Variants in CFAP46 observed in about 807,000 individuals in gnomAD.
CFAP46 encodes the protein cilia- and flagella-associated protein 46.
CFAP46 carries 245 observed loss-of-function variants against 325.7 expected under a neutral mutation model. The observed-to-expected ratio is 0.75, with a 90% confidence interval of 0.68 to 0.84. The LOEUF (loss-of-function observed/expected upper bound fraction) is 0.84. CFAP46 is among the 40% of genes least tolerant of loss of function. CFAP46 has a pLI of 0.00. For missense variants in CFAP46, 3,346 were observed against 3,543.0 expected, an observed-to-expected ratio of 0.94 and a Z score of 1.41; for synonymous variants, 1,523 against 1,495.9, an observed-to-expected ratio of 1.02 and a Z score of -0.42.
chr10:132,872,386 T>C (rs1273004741), intron 32 of CFAP46: 3 of 388,860 alleles, frequency 7.7e-6, no homozygotes, highest in East Asian at 6.1e-5. Flanking sequence ...CCTGAGTAGT[T>C]GCGACAACAG....
chr10:132,921,911 G>A (rs994770838), intron 13 of CFAP46, among the ~76,000 whole-genome samples, 193 bp downstream of exon 13: 3 of 152,256 alleles, frequency 2.0e-5, no homozygotes, highest in Non-Finnish European at 2.9e-5. Context: ...CTTGACTGGC[G>A]TGTGCACAGA....
At chr10:132,820,925 CTG>C (rs1464948580) in intron 50 of CFAP46, among the ~76,000 whole-genome samples, 1 of 105,830 alleles carries the variant, frequency 9.4e-6, no homozygotes, top group African/African-American at 3.7e-5. Flanking sequence ...CTGATGTGTG[CTG>C]TGTGTGCGCT....
At position 132,832,397 on chromosome 10, in the gene CFAP46, C is replaced by A. The variant is rs865900806; in HGVS notation, c.7117+961G>T. On this transcript the variant is annotated intron_variant, in intron 50 of 57. Coordinates refer to ENST00000368586, the MANE Select transcript of CFAP46 (RefSeq NM_001200049.3). The surrounding 1 kb of genome is among the most constrained non-coding windows in gnomAD (Gnocchi z 4.1). ...CCCCTGGGCTCTTCCTGCCCCCCCC[C>A]CCCAATGCTGTGGCCTGGAAATTCC... 2.7e-4 allele frequency among the ~76,000 whole-genome samples: 39 copies of A among 142,794 alleles called. No homozygotes were observed. The East Asian group carries it at 3.3e-3, about 12-fold the overall frequency. The allele number at this position is 142,794 out of a possible 152,430, so 93.7% of individuals were successfully genotyped here.
intron 40 of CFAP46, among the ~76,000 whole-genome samples, 196 bp downstream of exon 40, chr10:132,850,921 C>G (rs964197943): frequency 1.3e-5 from 2 of 152,182 alleles, no homozygotes; most frequent in South Asian, 2.1e-4. Flanking sequence ...AATGGGACCT[C>G]GATTTCATGA....
intron 50 of CFAP46, among the ~76,000 whole-genome samples, chr10:132,824,932 G>T (rs62646933): frequency 0.08 from 7,284 of 90,910 alleles, 8 homozygotes; most frequent in African/African-American, 0.12. Context: ...TGCTGCTTGT[G>T]TGTGCTGTGT....
At chr10:132,821,905 GTGC>G (rs1402803531) in intron 50 of CFAP46, among the ~76,000 whole-genome samples, 30 of 143,564 alleles carry the variant, frequency 2.1e-4, no homozygotes, top group African/African-American at 4.8e-4. Context: ...TGTTGTGTGA[GTGC>G]TGATGTGTGC....
chr10:132,926,472 C>T lies in CFAP46; in HGVS notation c.1065+96G>A. 1.7e-5 allele frequency: 15 copies of T among 906,134 alleles called. No individual in the cohort carries two copies. In the South Asian group the frequency reaches 1.9e-4, roughly 11 times the overall value. The allele number at this position is 906,134 out of a possible 1,614,324, so 56.1% of individuals were successfully genotyped here. A position where few individuals can be genotyped will look rare whatever the true frequency, so the allele number is the denominator to read the frequency against. ...CTAGCAGTGGGGTCCAGGCCATGTCCCCAGCACCCTCAAGCCTGGGACACA... is the reference window on the plus strand; with the variant it reads ...CTAGCAGTGGGGTCCAGGCCATGTCTCCAGCACCCTCAAGCCTGGGACACA... On this transcript the variant is annotated intron_variant, in intron 10 of 57. Transcript: ENST00000368586.
chr10:132,910,660 CTGGCCACCGGGAG>C (rs1355161021), intron 19 of CFAP46, among the ~76,000 whole-genome samples: 4 of 152,220 alleles, frequency 2.6e-5, no homozygotes, highest in Non-Finnish European at 4.4e-5. Context: ...GCAGGAAGCA[CTGGCCACCGGGAG>C]TGACCTCTTG....
At chr10:132,842,400 C>T (rs567055764) in intron 44 of CFAP46, among the ~76,000 whole-genome samples, 27 of 152,318 alleles carry the variant, frequency 1.8e-4, no homozygotes, top group Admixed American at 4.6e-4. Context: ...ATTCTGGTCA[C>T]GACCACTTAA....
chr10:132,850,397 C>A lies in CFAP46; in HGVS notation c.5799G>T (p.Gly1933=). 6.3e-7 allele frequency: 1 copy of A among 1,580,240 alleles called. No individual in the cohort carries two copies. Among genetic ancestry groups the A allele is most frequent in the African/African-American group, 1.3e-5 (1 of 74,286 alleles). The change falls in exon 41 of 58, where the codon GGG becomes GGT. Residue 1933 remains glycine (G), a synonymous_variant. Coordinates refer to ENST00000368586, the MANE Select transcript of CFAP46 (RefSeq NM_001200049.3). ...GCAGGCTCCCCAGCTGTGCCAGTGC[C>A]CCGTGTGCTAGAGTCCGCTTCAGCG... ...WFTLKRTLAH[G]ALAQLGSLQP...
chr10:132,855,933 G>A (rs922601968), intron 39 of CFAP46, among the ~76,000 whole-genome samples: 1 of 152,234 alleles, frequency 6.6e-6, no homozygotes, highest in Non-Finnish European at 1.5e-5. Context: ...GGCTCTCCAT[G>A]CACCTGTGTG....
intron 32 of CFAP46, among the ~76,000 whole-genome samples, chr10:132,872,137 T>C (rs557605092): frequency 2.6e-5 from 4 of 152,256 alleles, no homozygotes; most frequent in Admixed American, 1.3e-4. Context: ...TTTAATGTGA[T>C]ATTTGTTTTG....
chr10:132,940,162 A>C (rs985137777), intron 4 of CFAP46, among the ~76,000 whole-genome samples: 3 of 152,140 alleles, frequency 2.0e-5, no homozygotes, highest in African/African-American at 7.2e-5. Context: ...CTACATCCCC[A>C]GCACTTGCAA....
At chr10:132,842,229 C>T (rs917424926) in intron 44 of CFAP46, among the ~76,000 whole-genome samples, 36 of 152,226 alleles carry the variant, frequency 2.4e-4, no homozygotes, top group Admixed American at 2.4e-3. Context: ...CCTTGTTCAC[C>T]ACTCTGAAGT....
At chr10:132,814,957 C>G (rs377598185) in intron 50 of CFAP46, 43 bp from the exon 51 acceptor site, 2 of 1,571,932 alleles carry the variant, frequency 1.3e-6, no homozygotes, top group African/African-American at 1.4e-5. Flanking sequence ...GGCAGCAGCT[C>G]GAGGCAGCCC....
intron 56 of CFAP46, 115 bp from the exon 57 acceptor site, chr10:132,810,604 C>A (rs1449592495): frequency 8.7e-6 from 8 of 918,470 alleles, no homozygotes; most frequent in Non-Finnish European, 1.4e-5. Context: ...AGACGCTGGC[C>A]CGCAGCGCGT....
intron 35 of CFAP46, among the ~76,000 whole-genome samples, chr10:132,862,596 G>A (rs546848987): frequency 5.0e-4 from 76 of 152,150 alleles, no homozygotes; most frequent in Non-Finnish European, 9.3e-4. Flanking sequence ...TGAGGTCGGC[G>A]GGGGTCTGAG....
chr10:132,808,525 C>T lies in CFAP46; in HGVS notation c.8044G>A (p.Val2682Ile), dbSNP rs769349617. Residue 2682 changes from valine (V) to isoleucine (I), a missense_variant, in exon 58 of 58, where the codon GTC (valine) becomes ATC (isoleucine). By Grantham distance (29) the Val-to-Ile change is conservative. Transcript: ENST00000368586. The surrounding 1 kb of genome is among the most constrained non-coding windows in gnomAD (Gnocchi z 6.8). ...PWGLRRGWSC[V>I]SSRGQDKGGL... ...CCCTTGTCCTGGCCCCGGGAAGAGACGCAGCTCCAGCCCCGACGCAGACCC... is the reference window on the plus strand; with the variant it reads ...CCCTTGTCCTGGCCCCGGGAAGAGATGCAGCTCCAGCCCCGACGCAGACCC... 7 of 1,613,088 alleles carry T rather than the reference C, an allele frequency of 4.3e-6. No individual in the cohort carries two copies. Among genetic ancestry groups the T allele is most frequent in the South Asian group, 2.2e-5 (2 of 91,074 alleles).
In CFAP46 at chr10:132,885,083, C is replaced by T. The variant is rs772409304; in HGVS notation, c.3627+20G>A. 6.5e-6 allele frequency: 10 copies of T among 1,532,642 alleles called. No individual in the cohort carries two copies. In the African/African-American group the frequency reaches 1.4e-4, roughly 21 times the overall value. The allele number at this position is 1,532,642 out of a possible 1,614,324, so 94.9% of individuals were successfully genotyped here. On this transcript the variant is annotated intron_variant, in intron 27 of 57. Transcript: ENST00000368586. ...AAAGGACAAATTTTACCACGTGCAC[C>T]CACGCTTACGGCTTCACACCTGCAA...
Sources: allele counts gnomAD v4.1 joint callset (sites outside exome capture counted in the v4.1 genomes callset), GRCh38; gene constraint gnomAD v4.1.1; non-coding constraint Gnocchi (gnomAD v3.1); transcripts MANE v1.5; gene names NCBI Gene and HGNC (gene_info 2026-07-23, HGNC 2026-07-21).